G6PC1: variants seen among roughly 807,000 people sequenced by gnomAD.
G6PC1 encodes the protein glucose-6-phosphatase catalytic subunit 1, also known as G-6-Pase.
Under a neutral mutation model 30.4 loss-of-function variants are expected in G6PC1, and 23 were observed. The ratio of observed to expected loss-of-function variants is 0.76; its 90% CI spans 0.55 to 1.07. The LOEUF (loss-of-function observed/expected upper bound fraction) is 1.07. G6PC1 is among the 50% of genes least tolerant of loss of function. G6PC1 has a pLI of 0.00. For missense variants in G6PC1, 391 were observed against 433.9 expected (o/e 0.90, Z 0.88); for synonymous variants, 163 against 175.6 (o/e 0.93, Z 0.57).
Position 42,900,951 on chromosome 17 carries a change from C to T in G6PC1, c.75C>T (p.Asp25=). ...ATTACCTCCAGGTGAATTACCAAGACTCCCAGGACTGGTTCATCTTGGTGT... is the reference window on the plus strand; with the variant it reads ...ATTACCTCCAGGTGAATTACCAAGATTCCCAGGACTGGTTCATCTTGGTGT... ...STHYLQVNYQ[D]SQDWFILVSV... is the part of the protein sequence containing the mutation. The change falls in exon 1 of 5, where the codon GAC becomes GAT. Residue 25 remains aspartate (D), a synonymous_variant. Coordinates refer to ENST00000253801, the MANE Select transcript of G6PC1 (RefSeq NM_000151.4). The T allele has an allele frequency of 6.2e-7, 1 of 1,614,126 alleles. No homozygotes were observed. The highest frequency in any genetic ancestry group is 8.5e-7 in the Non-Finnish European group (1 of 1,179,998).
At chr17:42,905,429 A>T (rs12936784) in intron 2 of G6PC1, among the ~76,000 whole-genome samples, 16,240 of 120,548 alleles carry the variant, frequency 0.13, 1,127 homozygotes, top group African/African-American at 0.15. Context: ...AAAAAAAAAA[A>T]ATATATATAT....
At chr17:42,901,176 C>A in intron 1 of G6PC1, 70 bp downstream of exon 1, 1 of 1,372,380 alleles carries the variant, frequency 7.3e-7, no homozygotes, top group Non-Finnish European at 1.0e-6. Context: ...GTCTGTCCAT[C>A]AGAAGTTGCT....
At chr17:42,903,896 C>T (rs776295479) in intron 1 of G6PC1, 35 bp from the exon 2 acceptor site, 1 of 1,408,770 alleles carries the variant, frequency 7.1e-7, no homozygotes. Flanking sequence ...AGCATTCATT[C>T]AGTAACCCCA....
At chr17:42,903,037 TAA>T (rs955176476) in intron 1 of G6PC1, among the ~76,000 whole-genome samples, 3 of 142,490 alleles carry the variant, frequency 2.1e-5, no homozygotes, top group Admixed American at 7.0e-5. Context: ...TTCTTGAGGT[TAA>T]AAAAAAAAAG....
chr17:42,907,743 G>T, intron 3 of G6PC1, 115 bp downstream of exon 3: 1 of 748,156 alleles, frequency 1.3e-6, no homozygotes, highest in Non-Finnish European at 2.4e-6. Context: ...CACCTGGGCA[G>T]CCGCTGATTA....
chr17:42,911,061 A>G lies in G6PC1; in HGVS notation c.709A>G (p.Thr237Ala). 1 of 1,612,410 alleles carries G rather than the reference A, an allele frequency of 6.2e-7. No homozygotes were observed. The highest frequency in any genetic ancestry group is 8.5e-7 in the Non-Finnish European group (1 of 1,179,442). The change falls in exon 5 of 5, where the codon ACT becomes GCT. Residue 237 changes from threonine to alanine, a missense_variant. Transcript: ENST00000253801. ...LKGLGVDLLW[T>A]LEKAQRWCEQ... is the part of the protein sequence containing the mutation. ...GGGACTGGGTGTAGACCTCCTGTGG[A>G]CTCTGGAGAAAGCCCAGAGGTGGTG...
intron 2 of G6PC1, among the ~76,000 whole-genome samples, chr17:42,904,427 C>T (rs556892431): frequency 7.9e-5 from 12 of 152,242 alleles, no homozygotes; most frequent in African/African-American, 1.9e-4. Context: ...TCTGTGCCTA[C>T]GTTTTATTAG....
chr17:42,902,487 G>A (rs547619252), intron 1 of G6PC1, among the ~76,000 whole-genome samples: 1 of 152,262 alleles, frequency 6.6e-6, no homozygotes, highest in African/African-American at 2.4e-5. Context: ...CTGACCTCAT[G>A]ATCTGCCTGC....
At chr17:42,909,452 C>A (rs1395973087) in intron 4 of G6PC1, 34 bp downstream of exon 4, 28 of 1,491,090 alleles carry the variant, frequency 1.9e-5, no homozygotes, top group Non-Finnish European at 2.5e-5. Flanking sequence ...CCTTCTCCCC[C>A]AAACCCCATT....
chr17:42,904,321 A>G, intron 2 of G6PC1: 2 of 421,192 alleles, frequency 4.7e-6, no homozygotes, highest in South Asian at 2.1e-5. Context: ...GTCCTGAGAA[A>G]GGAGGGGGCA....
At chr17:42,906,788 G>T (rs1195615217) in intron 2 of G6PC1, among the ~76,000 whole-genome samples, 1 of 152,162 alleles carries the variant, frequency 6.6e-6, no homozygotes, top group Non-Finnish European at 1.5e-5. Flanking sequence ...GCTGAGGTGG[G>T]AGGATTGCTT....
intron 3 of G6PC1, among the ~76,000 whole-genome samples, 175 bp downstream of exon 3, chr17:42,907,803 T>C: frequency 6.6e-6 from 1 of 152,184 alleles, no homozygotes; most frequent in East Asian, 1.9e-4. Flanking sequence ...AGGGAATGTT[T>C]GGGCTGAAAG....
rs1035362444 is a variant in G6PC1, at chr17:42,914,363, C to T, written c.*2937C>T. ...AAGGTCTGCCAGAAAGTAAATACTG[C>T]CCCCACTCCCTGAAGTTTATGAGGT... On this transcript the variant is annotated 3_prime_UTR_variant, in exon 5 of 5. Transcript: ENST00000253801. Among the ~76,000 whole-genome samples the T allele has an allele frequency of 1.3e-5, 2 of 152,170 alleles. No individual in the cohort carries two copies. Among genetic ancestry groups the T allele is most frequent in the African/African-American group, 2.4e-5 (1 of 41,446 alleles).
intron 1 of G6PC1, among the ~76,000 whole-genome samples, chr17:42,902,415 T>A (rs993077083): frequency 1.3e-5 from 2 of 151,772 alleles, no homozygotes; most frequent in African/African-American, 4.8e-5. Context: ...GCCCAGCTAA[T>A]TTTTTTTGTA....
At chr17:42,908,695 G>A (rs1396978124) in intron 3 of G6PC1, among the ~76,000 whole-genome samples, 1 of 143,894 alleles carries the variant, frequency 6.9e-6, no homozygotes, top group Non-Finnish European at 1.5e-5. Flanking sequence ...ATGAGCCACC[G>A]CGCCTGGCCT....
intron 2 of G6PC1, among the ~76,000 whole-genome samples, chr17:42,905,425 A>AG (rs1336842036): frequency 5.5e-4 from 74 of 135,076 alleles, no homozygotes; most frequent in African/African-American, 2.3e-3. Context: ...GAAAAAAAAA[A>AG]AAAAATATAT....
Position 42,909,245 on chromosome 17 carries a change from T to A in G6PC1, c.447-58T>A, listed in dbSNP as rs161623. ...GGCTCCAACATTTCTGCAGGGGCTGTTTTCTTTGCTGAAGGATCTGCACCT... is the reference window on the plus strand; with the variant it reads ...GGCTCCAACATTTCTGCAGGGGCTGATTTCTTTGCTGAAGGATCTGCACCT... On this transcript the variant is annotated intron_variant, in intron 3 of 4. Coordinates refer to ENST00000253801, the MANE Select transcript of G6PC1 (RefSeq NM_000151.4). The A allele has an allele frequency of 4.8e-3, 6,232 of 1,301,906 alleles. 223 individuals are homozygous for A. The African/African-American group carries it at 0.078, about 16-fold the overall frequency. The allele number at this position is 1,301,906 out of a possible 1,614,324, so 80.6% of individuals were successfully genotyped here.
Position 42,904,004 on chromosome 17 carries a change from A to G in G6PC1, c.304A>G (p.Ile102Val), listed in dbSNP as rs375219700. 3 of 1,614,086 alleles carry G rather than the reference A, an allele frequency of 1.9e-6. No homozygotes were observed. The South Asian group carries it at 3.3e-5, about 18-fold the overall frequency. The change falls in exon 2 of 5, where the codon ATA (isoleucine) becomes GTA (valine). Residue 102 changes from isoleucine (I) to valine (V), a missense_variant. Transcript: ENST00000253801. Reference sequence around the variant, plus strand: ...CTACAGCAACACTTCCGTGCCCCTGATAAAGCAGTTCCCTGTAACCTGTGA... The same window carrying G: ...CTACAGCAACACTTCCGTGCCCCTGGTAAAGCAGTTCCCTGTAACCTGTGA... Reference protein sequence around the residue: ...DYYSNTSVPLIKQFPVTCETG... With the variant: ...DYYSNTSVPLVKQFPVTCETG...
At chr17:42,902,895 G>A (rs755894152) in intron 1 of G6PC1, among the ~76,000 whole-genome samples, 1 of 151,910 alleles carries the variant, frequency 6.6e-6, no homozygotes, top group Non-Finnish European at 1.5e-5. Context: ...GGGGGGGCTC[G>A]TCCTAGGGGC....
Sources: allele counts gnomAD v4.1 joint callset (sites outside exome capture counted in the v4.1 genomes callset), GRCh38; gene constraint gnomAD v4.1.1; transcripts MANE v1.5; gene names NCBI Gene and HGNC (gene_info 2026-07-23, HGNC 2026-07-21).